The following ADAMTS12 variants were observed in gnomAD, a reference collection of about 807,000 sequenced individuals.
The protein encoded by ADAMTS12 is ADAM metallopeptidase with thrombospondin type 1 motif 12, also known as A disintegrin and metalloproteinase with thrombospondin motifs 12.
In ADAMTS12, 118 loss-of-function variants were observed where a neutral mutation model predicts 167.8. The observed-to-expected ratio is 0.70, with a 90% CI of 0.61 to 0.82. The LOEUF (loss-of-function observed/expected upper bound fraction) is 0.82. Ranked by LOEUF, ADAMTS12 falls within the 40% of genes least tolerant of loss-of-function variation. The pLI is 0.00. For missense variants in ADAMTS12, 1,916 were observed against 1,998.8 expected, an observed-to-expected ratio of 0.96 and a Z score of 0.79; for synonymous variants, 704 against 716.9, an observed-to-expected ratio of 0.98 and a Z score of 0.29.
intron 3 of ADAMTS12, among the ~76,000 whole-genome samples, chr5:33,737,512 A>G (rs1338317274): frequency 6.6e-6 from 1 of 151,554 alleles, no homozygotes; most frequent in East Asian, 1.9e-4. Context: ...AACAATGTGA[A>G]TATACAAACA....
At chr5:33,595,580 T>C (rs1350081187) in intron 17 of ADAMTS12, among the ~76,000 whole-genome samples, 2 of 152,214 alleles carry the variant, frequency 1.3e-5, no homozygotes, top group African/African-American at 4.8e-5. Flanking sequence ...GCCAACCTTT[T>C]GTCTGAAGGC....
chr5:33,787,677 A>G (rs1746378786), intron 2 of ADAMTS12, among the ~76,000 whole-genome samples: 1 of 152,132 alleles, frequency 6.6e-6, no homozygotes, highest in Non-Finnish European at 1.5e-5. Flanking sequence ...GCCATTTTTA[A>G]AAAGGCCTAC....
In ADAMTS12 at chr5:33,624,218, A is replaced by T. The variant is rs1408074670; in HGVS notation, c.2143+13T>A. ...TGGTCCCCTGCCACTTCGATTATTTATTTGTTTATTACCAGATCCTTCCTT... is the reference window on the plus strand; with the variant it reads ...TGGTCCCCTGCCACTTCGATTATTTTTTTGTTTATTACCAGATCCTTCCTT... On this transcript the variant is annotated intron_variant, in intron 14 of 23. Coordinates refer to ENST00000504830, the MANE Select transcript of ADAMTS12 (RefSeq NM_030955.4). 3 of 1,613,584 alleles carry T rather than the reference A, an allele frequency of 1.9e-6. No homozygotes were observed. Among genetic ancestry groups the T allele is most frequent in the Non-Finnish European group, 2.5e-6 (3 of 1,179,842 alleles).
intron 17 of ADAMTS12, among the ~76,000 whole-genome samples, chr5:33,595,191 T>C (rs1244368863): frequency 1.3e-5 from 2 of 151,998 alleles, no homozygotes; most frequent in African/African-American, 4.8e-5. Flanking sequence ...AACATAAGCC[T>C]GGCATAATAA....
intron 2 of ADAMTS12, among the ~76,000 whole-genome samples, chr5:33,858,960 G>A (rs1014999975): frequency 6.6e-6 from 1 of 152,116 alleles, no homozygotes; most frequent in Non-Finnish European, 1.5e-5. Flanking sequence ...TGTGCCTTGA[G>A]GAACGGTGCA....
intron 1 of ADAMTS12, among the ~76,000 whole-genome samples, chr5:33,883,564 G>A (rs542728196): frequency 3.3e-5 from 5 of 151,922 alleles, no homozygotes; most frequent in East Asian, 1.9e-4. Context: ...AACACTCCAC[G>A]AAAAACAAGA....
chr5:33,783,316 T>C (rs549684967), intron 2 of ADAMTS12, among the ~76,000 whole-genome samples: 3 of 151,742 alleles, frequency 2.0e-5, no homozygotes, highest in Admixed American at 6.6e-5. Flanking sequence ...AAGCTATAAA[T>C]GCATTTATAT....
chr5:33,691,730 T>G (rs910886045), intron 3 of ADAMTS12, among the ~76,000 whole-genome samples: 2 of 152,204 alleles, frequency 1.3e-5, no homozygotes, highest in South Asian at 2.1e-4. Flanking sequence ...GACAAGACCA[T>G]GCTGGAACTC....
chr5:33,673,681 A>AT (rs1554033921), intron 5 of ADAMTS12, among the ~76,000 whole-genome samples: 7 of 151,998 alleles, frequency 4.6e-5, no homozygotes, highest in Non-Finnish European at 1.0e-4. Context: ...CCATATCATG[A>AT]CCATGGCTCA....
At chr5:33,877,160 T>C (rs73074816) in intron 2 of ADAMTS12, among the ~76,000 whole-genome samples, 2,470 of 152,328 alleles carry the variant, frequency 0.016, 62 homozygotes, top group African/African-American at 0.057. Flanking sequence ...GAGTTTTTGA[T>C]AGAGTCAAAA....
chr5:33,577,403 G>A (rs1742755475), intron 18 of ADAMTS12, among the ~76,000 whole-genome samples: 1 of 152,224 alleles, frequency 6.6e-6, no homozygotes. Context: ...CCATGATGTA[G>A]TCAAACTGCA....
At chr5:33,835,002 A>G (rs1748452522) in intron 2 of ADAMTS12, among the ~76,000 whole-genome samples, 1 of 152,234 alleles carries the variant, frequency 6.6e-6, no homozygotes, top group Non-Finnish European at 1.5e-5. Flanking sequence ...GCCAAGTATT[A>G]TCAATAGAAT....
chr5:33,674,055 C>A (rs966207354), intron 5 of ADAMTS12, among the ~76,000 whole-genome samples: 2 of 152,142 alleles, frequency 1.3e-5, no homozygotes, highest in African/African-American at 4.8e-5. Flanking sequence ...GCCTCCAGAA[C>A]AAGAATTGAG....
At chr5:33,568,324 CA>C (rs1746117618) in intron 19 of ADAMTS12, among the ~76,000 whole-genome samples, 1 of 152,154 alleles carries the variant, frequency 6.6e-6, no homozygotes, top group Non-Finnish European at 1.5e-5. Flanking sequence ...AAACATAGCT[CA>C]AATGCAAGCA....
chr5:33,607,098 G>T (rs964347695), intron 16 of ADAMTS12, among the ~76,000 whole-genome samples: 2 of 152,086 alleles, frequency 1.3e-5, no homozygotes, highest in Non-Finnish European at 2.9e-5. Context: ...AGGAATAGAA[G>T]AAATTTTTTT....
intron 23 of ADAMTS12, among the ~76,000 whole-genome samples, chr5:33,532,189 C>A (rs1478845209): frequency 2.6e-5 from 4 of 152,144 alleles, no homozygotes; most frequent in Non-Finnish European, 4.4e-5. Context: ...GCTGCGTTAT[C>A]AGGCGATAAT....
At chr5:33,791,755 T>C (rs1338698458) in intron 2 of ADAMTS12, among the ~76,000 whole-genome samples, 1 of 150,608 alleles carries the variant, frequency 6.6e-6, no homozygotes, top group African/African-American at 2.4e-5. Context: ...ATTCCACTCT[T>C]TTTTATTTCC....
At chr5:33,803,733 C>T (rs1003446243) in intron 2 of ADAMTS12, among the ~76,000 whole-genome samples, 1 of 152,184 alleles carries the variant, frequency 6.6e-6, no homozygotes, top group Admixed American at 6.5e-5. Flanking sequence ...GGAAGCAAGA[C>T]GCATCTTACA....
intron 7 of ADAMTS12, 105 bp downstream of exon 7, chr5:33,658,079 C>A: frequency 7.1e-7 from 1 of 1,406,984 alleles, no homozygotes; most frequent in Non-Finnish European, 9.8e-7. Context: ...ACAGTATAAT[C>A]TGAGTCTCCT....
Sources: allele counts gnomAD v4.1 joint callset (sites outside exome capture counted in the v4.1 genomes callset), GRCh38; gene constraint gnomAD v4.1.1; transcripts MANE v1.5; gene names NCBI Gene and HGNC (gene_info 2026-07-23, HGNC 2026-07-21).